Variants in KAZN observed in about 807,000 individuals in gnomAD.
The protein encoded by KAZN is kazrin, periplakin interacting protein.
KAZN carries 40 observed loss-of-function variants against 87.4 expected under a neutral mutation model. The ratio of observed to expected loss-of-function variants is 0.46; its 90% CI spans 0.36 to 0.60. The LOEUF (loss-of-function observed/expected upper bound fraction) is 0.60. KAZN is among the 20% of genes least tolerant of loss of function. The pLI is 0.00. For synonymous variants in KAZN, 466 were observed against 458.3 expected (o/e 1.02, Z -0.22); for missense variants, 898 against 1,073.9 (o/e 0.84, Z 2.29).
At chr1:13,941,560 TG>T (rs1640928294) in intron 1 of KAZN, among the ~76,000 whole-genome samples, 1 of 152,178 alleles carries the variant, frequency 6.6e-6, no homozygotes, top group Admixed American at 6.5e-5. Context: ...ATGGGATTGG[TG>T]GATTCTGTCC....
chr1:14,967,640 G>A (rs1268906132), intron 2 of KAZN, among the ~76,000 whole-genome samples: 1 of 152,240 alleles, frequency 6.6e-6, no homozygotes, highest in Non-Finnish European at 1.5e-5. Flanking sequence ...AGAGTCAGAG[G>A]AGATGTGACC....
chr1:14,224,607 G>C (rs752874086), intron 2 of KAZN, among the ~76,000 whole-genome samples: 8 of 152,160 alleles, frequency 5.3e-5, no homozygotes, highest in African/African-American at 1.2e-4. Context: ...GGATGACCTA[G>C]TCAAGCCTCC....
intron 1 of KAZN, among the ~76,000 whole-genome samples, chr1:14,743,300 C>T (rs756424865): frequency 6.6e-6 from 1 of 151,808 alleles, no homozygotes; most frequent in Non-Finnish European, 1.5e-5. Context: ...CGTGGTGACA[C>T]GTGCCTGTAA....
At chr1:14,898,845 G>GC (rs1655547885) in intron 1 of KAZN, among the ~76,000 whole-genome samples, 1 of 152,150 alleles carries the variant, frequency 6.6e-6, no homozygotes, top group Non-Finnish European at 1.5e-5. Flanking sequence ...TGAATGAATG[G>GC]CCCTCTACCT....
chr1:14,511,243 G>A (rs1670889181), intron 2 of KAZN, among the ~76,000 whole-genome samples: 1 of 152,140 alleles, frequency 6.6e-6, no homozygotes, highest in Non-Finnish European at 1.5e-5. Flanking sequence ...TGAAAGATGA[G>A]GTTGCTTTAA....
intron 1 of KAZN, among the ~76,000 whole-genome samples, chr1:14,742,151 T>C (rs1301512933): frequency 1.3e-5 from 2 of 152,186 alleles, no homozygotes; most frequent in African/African-American, 4.8e-5. Flanking sequence ...GTGAGTGGGG[T>C]CCTCTCCAAC....
At chr1:14,919,592 C>T (rs1166044658) in intron 1 of KAZN, among the ~76,000 whole-genome samples, 1 of 152,228 alleles carries the variant, frequency 6.6e-6, no homozygotes, top group Non-Finnish European at 1.5e-5. Flanking sequence ...TTACAAAACT[C>T]TGCATCTTCC....
chr1:14,289,736 G>T (rs906327928), intron 2 of KAZN, among the ~76,000 whole-genome samples: 2 of 152,126 alleles, frequency 1.3e-5, no homozygotes, highest in African/African-American at 4.8e-5. Flanking sequence ...ATGTTAGCTG[G>T]TTATTTTGCC....
At chr1:14,837,578 G>T (rs1429521711) in intron 1 of KAZN, among the ~76,000 whole-genome samples, 12 of 143,018 alleles carry the variant, frequency 8.4e-5, no homozygotes, top group African/African-American at 2.6e-4. Context: ...TTTGAGACAG[G>T]GTCTTGCTCT....
rs35461813 is a variant in KAZN, at chr1:14,444,306, ATT to A, written c.250-154655_250-154654del. 7.4e-3 allele frequency among the ~76,000 whole-genome samples: 709 copies of A among 95,170 alleles called. 4 individuals are homozygous for A. Among genetic ancestry groups the A allele is most frequent in the African/African-American group, 0.029 (650 of 22,362 alleles). The allele number at this position is 95,170 out of a possible 152,430, so 62.4% of individuals were successfully genotyped here. On this transcript the variant is annotated intron_variant, in intron 2 of 16. Transcript: ENST00000636203. The stretch of plus-strand genomic sequence containing the variant: ...ATCTCCAAAATAAACTAAATTCATG[ATT>A]TTTTTTTTTTTTTTTTTTTTTGAGA...
chr1:14,522,961 G>C (rs1671664267), intron 2 of KAZN, among the ~76,000 whole-genome samples: 1 of 152,170 alleles, frequency 6.6e-6, no homozygotes, highest in African/African-American at 2.4e-5. Flanking sequence ...CTAGCACCAA[G>C]GTGCTGGGAG....
At chr1:14,073,848 C>T (rs539227463) in intron 1 of KAZN, among the ~76,000 whole-genome samples, 11 of 152,148 alleles carry the variant, frequency 7.2e-5, no homozygotes, top group South Asian at 2.1e-4. Context: ...TGAACAGTGC[C>T]GCAATAAACA....
chr1:14,968,755 C>T (rs984615738), intron 2 of KAZN, among the ~76,000 whole-genome samples: 30 of 152,314 alleles, frequency 2.0e-4, no homozygotes, highest in Admixed American at 3.3e-4. Flanking sequence ...GAGTGAGTCA[C>T]CTGCCTTACA....
chr1:15,017,346 G>C (rs1242454912), intron 2 of KAZN, among the ~76,000 whole-genome samples: 1 of 152,170 alleles, frequency 6.6e-6, no homozygotes, highest in African/African-American at 2.4e-5. Flanking sequence ...CTCAGCTGCA[G>C]CTCAGTGCCT....
chr1:13,969,408 T>C (rs1642059906), intron 1 of KAZN, among the ~76,000 whole-genome samples: 1 of 152,104 alleles, frequency 6.6e-6, no homozygotes, highest in Admixed American at 6.5e-5. Flanking sequence ...GAAAACCAAA[T>C]GAAGATGGAG....
intron 2 of KAZN, among the ~76,000 whole-genome samples, chr1:14,266,878 T>A (rs1163706749): frequency 3.9e-5 from 6 of 152,156 alleles, no homozygotes; most frequent in African/African-American, 1.4e-4. Context: ...CTTTTTTTTC[T>A]TCTTTTTATT....
At chr1:15,108,530 C>T (rs774965554) in intron 13 of KAZN, among the ~76,000 whole-genome samples, 1 of 152,212 alleles carries the variant, frequency 6.6e-6, no homozygotes, top group Non-Finnish European at 1.5e-5. Context: ...GCTGAGCCAC[C>T]GTGGTGAGGA....
chr1:14,942,597 G>A (rs1382373418), intron 1 of KAZN, among the ~76,000 whole-genome samples: 1 of 152,212 alleles, frequency 6.6e-6, no homozygotes, highest in Non-Finnish European at 1.5e-5. Flanking sequence ...GAGGGGTAGA[G>A]GGTGGCTTTA....
rs1268979512 is a variant in KAZN, at chr1:14,925,418, T to TTG, written c.227-35266_227-35265insTG. The stretch of plus-strand genomic sequence containing the variant: ...ACGGGAGGGGGAGGCACAACATAAT[T>TTG]ATTCCTTATTCATCGAACACCTATT... On this transcript the variant is annotated intron_variant, in intron 1 of 14. Coordinates refer to ENST00000376030, the MANE Select transcript of KAZN (RefSeq NM_201628.3). Among the ~76,000 whole-genome samples the TTG allele has an allele frequency of 2.0e-5, 3 of 152,178 alleles. No individual in the cohort carries two copies. The East Asian group carries it at 5.8e-4, about 29-fold the overall frequency.
Sources: allele counts gnomAD v4.1 joint callset (sites outside exome capture counted in the v4.1 genomes callset), GRCh38; gene constraint gnomAD v4.1.1; transcripts MANE v1.5; gene names NCBI Gene and HGNC (gene_info 2026-07-23, HGNC 2026-07-21).